The following METTL15 variants were observed in gnomAD, a reference collection of about 807,000 sequenced individuals.
METTL15 encodes the protein methyltransferase 15, mitochondrial 12S rRNA N4-cytidine, also known as 12S rRNA N(4)-cytidine methyltransferase METTL15.
A neutral mutation model predicts 38.3 loss-of-function variants in METTL15; 34 were observed. The observed-to-expected ratio is 0.89, with a 90% CI of 0.68 to 1.18. The LOEUF (loss-of-function observed/expected upper bound fraction) is 1.18. METTL15 is among the 50% of genes most tolerant of loss of function. The pLI, the probability that METTL15 is intolerant of heterozygous loss-of-function variation, is 0.00. For missense variants in METTL15, 438 were observed against 498.4 expected (o/e 0.88, Z 1.15); for synonymous variants, 162 against 170.9 (o/e 0.95, Z 0.41).
At chr11:28,204,233 T>C (rs1852223858) in intron 3 of METTL15, among the ~76,000 whole-genome samples, 1 of 151,982 alleles carries the variant, frequency 6.6e-6, no homozygotes, top group Non-Finnish European at 1.5e-5. Context: ...CTACTTTAAT[T>C]CACTTTCATT....
At chr11:28,380,916 T>G (rs1403444646) in intron 5 of METTL15, among the ~76,000 whole-genome samples, 2 of 152,152 alleles carry the variant, frequency 1.3e-5, no homozygotes, top group Non-Finnish European at 2.9e-5. Context: ...TTGAGAAGTC[T>G]GTTGTCATAC....
At chr11:28,323,068 G>T (rs1849523191) in intron 6 of METTL15, among the ~76,000 whole-genome samples, 1 of 151,960 alleles carries the variant, frequency 6.6e-6, no homozygotes, top group African/African-American at 2.4e-5. Context: ...ATGTATTTTT[G>T]TCATACATGT....
At chr11:28,191,785 A>G (rs1851709205) in intron 3 of METTL15, among the ~76,000 whole-genome samples, 1 of 151,772 alleles carries the variant, frequency 6.6e-6, no homozygotes. Context: ...ACTAGTAGTC[A>G]GAAAAGAGCT....
At chr11:28,480,545 C>T (rs183150637) in intron 6 of METTL15, among the ~76,000 whole-genome samples, 142 of 152,292 alleles carry the variant, frequency 9.3e-4, no homozygotes, top group African/African-American at 1.6e-3. Flanking sequence ...TGACAGCTCT[C>T]GTAAGCAGTA....
At chr11:28,487,296 A>G (rs1340198628) in intron 6 of METTL15, among the ~76,000 whole-genome samples, 1 of 152,186 alleles carries the variant, frequency 6.6e-6, no homozygotes, top group Non-Finnish European at 1.5e-5. Context: ...TGAAATAACT[A>G]AAAGCTAATA....
chr11:28,240,788 C>T (rs1468990101), intron 4 of METTL15, among the ~76,000 whole-genome samples: 1 of 151,922 alleles, frequency 6.6e-6, no homozygotes, highest in Non-Finnish European at 1.5e-5. Context: ...AGAAGGGAAA[C>T]ATAGATGATA....
chr11:28,133,981 G>T (rs1247797859), intron 3 of METTL15, among the ~76,000 whole-genome samples: 1 of 152,148 alleles, frequency 6.6e-6, no homozygotes, highest in South Asian at 2.1e-4. Flanking sequence ...TAAAGGAAAG[G>T]TATGCATTAC....
At chr11:28,473,265 C>A (rs953634109) in intron 6 of METTL15, among the ~76,000 whole-genome samples, 2 of 152,068 alleles carry the variant, frequency 1.3e-5, no homozygotes, top group African/African-American at 4.8e-5. Flanking sequence ...TCAGTATTCC[C>A]AGGAGTGCCT....
chr11:28,204,731 T>C (rs894173416), intron 3 of METTL15, among the ~76,000 whole-genome samples: 2 of 151,960 alleles, frequency 1.3e-5, no homozygotes, highest in African/African-American at 2.4e-5. Context: ...TTCATGATTG[T>C]AATGATGATA....
intron 3 of METTL15, among the ~76,000 whole-genome samples, chr11:28,200,074 G>A (rs1852053712): frequency 6.6e-6 from 1 of 152,046 alleles, no homozygotes; most frequent in Non-Finnish European, 1.5e-5. Context: ...AATTGTATCT[G>A]TTGTCTTCCA....
chr11:28,485,167 A>G (rs980352649), intron 6 of METTL15, among the ~76,000 whole-genome samples: 1 of 151,988 alleles, frequency 6.6e-6, no homozygotes, highest in Non-Finnish European at 1.5e-5. Flanking sequence ...CATAGCTGGC[A>G]TGGGCATTCT....
intron 5 of METTL15, among the ~76,000 whole-genome samples, chr11:28,368,014 C>T (rs1850203463): frequency 6.6e-6 from 1 of 151,194 alleles, no homozygotes; most frequent in African/African-American, 2.4e-5. Context: ...TGGGCAATAC[C>T]ATTCAGGACA....
At chr11:28,323,099 A>G (rs1310414326) in intron 6 of METTL15, among the ~76,000 whole-genome samples, 1 of 152,196 alleles carries the variant, frequency 6.6e-6, no homozygotes, top group Middle Eastern at 3.2e-3. Context: ...AAAAGGAAGT[A>G]TACCTCTTGG....
At chr11:28,175,801 T>C (rs1851052140) in intron 3 of METTL15, among the ~76,000 whole-genome samples, 1 of 152,166 alleles carries the variant, frequency 6.6e-6, no homozygotes, top group South Asian at 2.1e-4. Flanking sequence ...TGGCCACTAC[T>C]ATCATTTTCT....
chr11:28,416,475 C>G (rs865871357), intron 5 of METTL15, among the ~76,000 whole-genome samples: 49 of 152,306 alleles, frequency 3.2e-4, no homozygotes, highest in African/African-American at 1.1e-3. Context: ...CCCTTAGTCT[C>G]ACATACTCCT....
intron 3 of METTL15, among the ~76,000 whole-genome samples, chr11:28,345,067 C>T (rs1375528749): frequency 6.6e-6 from 1 of 152,174 alleles, no homozygotes; most frequent in Non-Finnish European, 1.5e-5. Flanking sequence ...AGAACTTAAT[C>T]ACTACAGGTA....
At chr11:28,432,912 ACCT>A (rs768771888) in intron 6 of METTL15, among the ~76,000 whole-genome samples, 15 of 126,430 alleles carry the variant, frequency 1.2e-4, no homozygotes, top group South Asian at 8.6e-4. Flanking sequence ...CATTTTGGTA[ACCT>A]CCTTTTTTTC....
At chr11:28,138,391 C>T (rs1031037532) in intron 3 of METTL15, among the ~76,000 whole-genome samples, 1 of 152,138 alleles carries the variant, frequency 6.6e-6, no homozygotes, top group Non-Finnish European at 1.5e-5. Flanking sequence ...TTTTAAATCC[C>T]TCATTACCCT....
chr11:28,452,802 C>T (rs1372996875), intron 6 of METTL15, among the ~76,000 whole-genome samples: 3 of 152,104 alleles, frequency 2.0e-5, no homozygotes, highest in South Asian at 2.1e-4. Flanking sequence ...GCCACTGGAG[C>T]GTTTGGGAAA....
Sources: allele counts gnomAD v4.1 joint callset (sites outside exome capture counted in the v4.1 genomes callset), GRCh38; gene constraint gnomAD v4.1.1; transcripts MANE v1.5; gene names NCBI Gene and HGNC (gene_info 2026-07-23, HGNC 2026-07-21).